ROBO2: variants seen among roughly 807,000 people sequenced by gnomAD.
ROBO2 encodes roundabout guidance receptor 2.
ROBO2 carries 53 observed loss-of-function variants against 160.8 expected under a neutral mutation model. That is an observed-to-expected ratio of 0.33 (90% confidence interval 0.26 to 0.41). The LOEUF is 0.41. Ranked by LOEUF, ROBO2 falls within the 10% of genes least tolerant of loss-of-function variation. The probability of loss-of-function intolerance (pLI) is 1.00; values close to 1 mark genes in which losing one functional copy is unlikely to be tolerated. For synonymous variants in ROBO2, 664 were observed against 611.7 expected (o/e 1.09, Z -1.26); for missense variants, 1,577 against 1,722.4 (o/e 0.92, Z 1.49).
chr3:76,862,239 T>C (rs575102642), intron 2 of ROBO2, among the ~76,000 whole-genome samples: 2 of 152,260 alleles, frequency 1.3e-5, no homozygotes, highest in East Asian at 3.9e-4. Flanking sequence ...TGGTTACACG[T>C]AGCTGCAGAG....
At chr3:76,013,735 T>C (rs2107625623) in intron 2 of ROBO2, among the ~76,000 whole-genome samples, 1 of 149,618 alleles carries the variant, frequency 6.7e-6, no homozygotes, top group African/African-American at 2.5e-5. Flanking sequence ...AAGTAATATG[T>C]ATAAAGGCAA....
intron 2 of ROBO2, among the ~76,000 whole-genome samples, chr3:77,122,842 G>A (rs2074914877): frequency 6.6e-6 from 1 of 152,192 alleles, no homozygotes; most frequent in African/African-American, 2.4e-5. Flanking sequence ...AAAATTGAAA[G>A]TGAATACACT....
At chr3:77,365,906 T>G (rs9867277) in intron 2 of ROBO2, among the ~76,000 whole-genome samples, 61,584 of 151,892 alleles carry the variant, frequency 0.41, 13,209 homozygotes, top group East Asian at 0.71. Flanking sequence ...CTAGCAAAAT[T>G]TTAAATATCT....
intron 2 of ROBO2, among the ~76,000 whole-genome samples, chr3:77,243,502 C>T (rs911805802): frequency 2.0e-5 from 3 of 152,048 alleles, no homozygotes; most frequent in Admixed American, 1.3e-4. Context: ...CACACATTAG[C>T]CCATAAGAGA....
chr3:77,426,678 CAGGAAGGAAGGAAGGAAGGAAGGAAGGA>C (rs142467400), intron 2 of ROBO2, among the ~76,000 whole-genome samples: 11 of 119,892 alleles, frequency 9.2e-5, no homozygotes, highest in Non-Finnish European at 1.4e-4. Flanking sequence ...ATCATTTGGT[CAGGAAGGAAGGAAGGAAGGAAGGAAGGA>C]AGGAAGGAAG....
chr3:75,999,680 A>AC (rs1244048392), intron 2 of ROBO2, among the ~76,000 whole-genome samples: 1 of 152,170 alleles, frequency 6.6e-6, no homozygotes, highest in Admixed American at 6.5e-5. Context: ...AATCAATGTC[A>AC]CATTCTCTGC....
intron 2 of ROBO2, among the ~76,000 whole-genome samples, chr3:76,445,752 C>T (rs531159792): frequency 8.5e-5 from 13 of 152,154 alleles, no homozygotes; most frequent in African/African-American, 1.2e-4. Context: ...AATCAATGAA[C>T]GTAATCCAGC....
chr3:76,742,141 T>C (rs1472356070), intron 2 of ROBO2, among the ~76,000 whole-genome samples: 1 of 152,096 alleles, frequency 6.6e-6, no homozygotes, highest in Non-Finnish European at 1.5e-5. Context: ...TTCCTGACAA[T>C]GATCAAACAA....
At chr3:76,332,303 G>A (rs917480350) in intron 2 of ROBO2, among the ~76,000 whole-genome samples, 1 of 152,130 alleles carries the variant, frequency 6.6e-6, no homozygotes, top group African/African-American at 2.4e-5. Flanking sequence ...TCTTCAAGTT[G>A]TGTATGTGAA....
intron 2 of ROBO2, among the ~76,000 whole-genome samples, chr3:76,896,788 C>T (rs767448509): frequency 2.6e-5 from 4 of 152,012 alleles, no homozygotes; most frequent in African/African-American, 4.8e-5. Context: ...AATAATTGAG[C>T]CCATTGATTT....
intron 2 of ROBO2, among the ~76,000 whole-genome samples, chr3:76,820,482 T>C (rs2066027215): frequency 6.6e-6 from 1 of 152,064 alleles, no homozygotes; most frequent in Non-Finnish European, 1.5e-5. Context: ...TAAGATTATA[T>C]TTAATTTATA....
At chr3:76,924,403 G>A (rs541112573) in intron 2 of ROBO2, among the ~76,000 whole-genome samples, 1 of 152,314 alleles carries the variant, frequency 6.6e-6, no homozygotes, top group African/African-American at 2.4e-5. Flanking sequence ...TGAGGACACG[G>A]CAGGAAGTTA....
intron 23 of ROBO2, among the ~76,000 whole-genome samples, chr3:77,626,588 A>G (rs1056968535): frequency 1.3e-5 from 2 of 152,158 alleles, no homozygotes; most frequent in African/African-American, 2.4e-5. Context: ...GAGGGCTACA[A>G]TACTTCTTTC....
intron 2 of ROBO2, among the ~76,000 whole-genome samples, chr3:76,145,649 A>G (rs2071856935): frequency 6.6e-6 from 1 of 152,066 alleles, no homozygotes; most frequent in Admixed American, 6.6e-5. Flanking sequence ...ATATAGATAC[A>G]GAAATTTACT....
At chr3:77,589,280 T>C (rs2094128063) in intron 17 of ROBO2, among the ~76,000 whole-genome samples, 1 of 152,092 alleles carries the variant, frequency 6.6e-6, no homozygotes, top group Admixed American at 6.6e-5. Flanking sequence ...TGAAGCCATG[T>C]TTGAGAAGTG....
chr3:76,901,195 C>T (rs897617829), intron 2 of ROBO2, among the ~76,000 whole-genome samples: 3 of 151,308 alleles, frequency 2.0e-5, no homozygotes, highest in African/African-American at 7.4e-5. Flanking sequence ...TATTCTCTGC[C>T]ACTTTTCCTA....
intron 1 of ROBO2, among the ~76,000 whole-genome samples, chr3:75,908,755 T>G (rs1946449311): frequency 6.6e-6 from 1 of 152,224 alleles, no homozygotes; most frequent in South Asian, 2.1e-4. Context: ...TTTCCATATT[T>G]AGATGCTCCT....
chr3:77,340,137 C>T (rs1011954510), intron 2 of ROBO2, among the ~76,000 whole-genome samples: 2 of 152,040 alleles, frequency 1.3e-5, no homozygotes. Flanking sequence ...TTGCTCAATT[C>T]GTATTAGCTA....
intron 2 of ROBO2, among the ~76,000 whole-genome samples, chr3:77,301,595 G>T (rs563107091): frequency 6.6e-6 from 1 of 152,044 alleles, no homozygotes; most frequent in African/African-American, 2.4e-5. Flanking sequence ...ATCTAAATTC[G>T]CACATGAGCA....
Sources: gnomAD v4.1 joint callset for allele counts (sites outside exome capture counted in the v4.1 genomes callset) on GRCh38, gnomAD v4.1.1 for gene constraint, MANE v1.5 for transcripts, NCBI Gene and HGNC (gene_info 2026-07-23, HGNC 2026-07-21) for gene names.